The following NME8 variants were observed in gnomAD, a reference collection of about 807,000 sequenced individuals.
NME8 encodes protein NME8.
In NME8, 72 loss-of-function variants were observed where a neutral mutation model predicts 82.3. The ratio of observed to expected loss-of-function variants is 0.87; its 90% CI spans 0.72 to 1.06. NME8 has a LOEUF of 1.06. Ranked by LOEUF, NME8 falls within the 50% of genes least tolerant of loss-of-function variation. The pLI is 0.00. For missense variants in NME8, 712 were observed against 685.4 expected (o/e 1.04, Z -0.43); for synonymous variants, 267 against 228.5 (o/e 1.17, Z -1.52).
At chr7:37,882,577 AAGAAAGAAAGAAAGAAAGAAAG>A in intron 12 of NME8, among the ~76,000 whole-genome samples, 2 of 46,414 alleles carry the variant, frequency 4.3e-5, no homozygotes, top group Admixed American at 2.2e-4. Flanking sequence ...GAAAGAAAGA[AAGAAAGAAAGAAAGAAAGAAAG>A]AGAGAGAGAG....
chr7:37,862,542 A>G (rs1371158906), intron 7 of NME8, among the ~76,000 whole-genome samples: 3 of 152,038 alleles, frequency 2.0e-5, no homozygotes, highest in African/African-American at 7.2e-5. Flanking sequence ...AGTATATAGC[A>G]ATTATTTATT....
intron 14 of NME8, 150 bp from the exon 15 acceptor site, chr7:37,888,127 C>G: frequency 2.7e-6 from 2 of 739,404 alleles, no homozygotes; most frequent in South Asian, 3.1e-5. Context: ...GTAGCATGCC[C>G]TAAGCCGCCA....
chr7:37,862,371 G>A (rs1431673116), intron 7 of NME8, among the ~76,000 whole-genome samples: 1 of 152,038 alleles, frequency 6.6e-6, no homozygotes, highest in African/African-American at 2.4e-5. Flanking sequence ...AAGCATTTTG[G>A]CAATGCATGT....
intron 14 of NME8, among the ~76,000 whole-genome samples, chr7:37,887,281 C>G (rs546395896): frequency 2.0e-5 from 3 of 152,288 alleles, no homozygotes; most frequent in African/African-American, 7.2e-5. Context: ...GCTGTCCTGT[C>G]TACTTCTCTT....
intron 12 of NME8, among the ~76,000 whole-genome samples, chr7:37,882,302 C>T (rs565086290): frequency 4.0e-5 from 6 of 151,884 alleles, no homozygotes; most frequent in South Asian, 2.1e-4. Flanking sequence ...GCTTGCACAA[C>T]GTGGTGAAAC....
chr7:37,864,020 A>C (rs1288322732), intron 8 of NME8, among the ~76,000 whole-genome samples: 1 of 152,214 alleles, frequency 6.6e-6, no homozygotes, highest in Non-Finnish European at 1.5e-5. Context: ...AACTTCACTT[A>C]CTGGTAGTAC....
intron 12 of NME8, among the ~76,000 whole-genome samples, chr7:37,877,273 C>T (rs1478672226): frequency 1.3e-5 from 2 of 152,074 alleles, no homozygotes; most frequent in Non-Finnish European, 2.9e-5. Context: ...AGATTTAAAG[C>T]TTCTATGTCT....
At chr7:37,872,716 A>G (rs1784786443) in intron 11 of NME8, among the ~76,000 whole-genome samples, 1 of 151,552 alleles carries the variant, frequency 6.6e-6, no homozygotes, top group Non-Finnish European at 1.5e-5. Flanking sequence ...TCTGGATAAT[A>G]TGCTGAGGGG....
Position 37,888,386 on chromosome 7 carries a change from A to C in NME8, c.1357A>C (p.Thr453Pro). The change falls in exon 15 of 18, where the codon ACT (threonine) becomes CCT (proline). Residue 453 changes from threonine to proline, a missense_variant. Thr to Pro is a conservative substitution (Grantham distance 38). Coordinates refer to ENST00000199447, the MANE Select transcript of NME8 (RefSeq NM_016616.5). ...ACAGCATTTCTTTCCTCTTCAAAGCACTTTAGGCTTGATTAAACCTCATGC... is the reference window on the plus strand; with the variant it reads ...ACAGCATTTCTTTCCTCTTCAAAGCCCTTTAGGCTTGATTAAACCTCATGC... Reference protein sequence around the residue: ...EIQHFFPLQSTLGLIKPHATS... With the variant: ...EIQHFFPLQSPLGLIKPHATS... 1 of 1,613,418 alleles carries C rather than the reference A, an allele frequency of 6.2e-7. No individual in the cohort carries two copies.
chr7:37,885,882 ATTC>A (rs1785032634), intron 14 of NME8, among the ~76,000 whole-genome samples: 1 of 152,150 alleles, frequency 6.6e-6, no homozygotes, highest in Non-Finnish European at 1.5e-5. Context: ...ATTCCCTTGA[ATTC>A]TTCTTGCTGA....
chr7:37,860,584 G>A (rs536053022), intron 6 of NME8, among the ~76,000 whole-genome samples: 70 of 152,132 alleles, frequency 4.6e-4, no homozygotes, highest in African/African-American at 1.7e-3. Context: ...TTTATTCCAC[G>A]ATTAAATATT....
At chr7:37,861,019 C>T (rs547588050) in intron 6 of NME8, among the ~76,000 whole-genome samples, 8 of 152,156 alleles carry the variant, frequency 5.3e-5, no homozygotes, top group African/African-American at 9.7e-5. Context: ...TCTCCACCAC[C>T]GTCATCTCTC....
intron 6 of NME8, among the ~76,000 whole-genome samples, chr7:37,858,173 G>A (rs1009157510): frequency 2.6e-5 from 4 of 152,184 alleles, no homozygotes; most frequent in Non-Finnish European, 2.9e-5. Flanking sequence ...TACAGAGTTC[G>A]AGAACTGAGA....
At position 37,850,707 on chromosome 7, in the gene NME8, A is replaced by G; in HGVS notation, c.170A>G (p.Asn57Ser). 1 of 1,613,530 alleles carries G rather than the reference A, an allele frequency of 6.2e-7. No individual in the cohort carries two copies. Among genetic ancestry groups the G allele is most frequent in the South Asian group, 1.1e-5 (1 of 91,074 alleles). The change falls in exon 5 of 18, where the codon AAC (asparagine) becomes AGC (serine). Residue 57 changes from asparagine (N) to serine (S), a missense_variant. Physicochemically the swap from Asn to Ser is conservative, Grantham distance 46. Coordinates refer to ENST00000199447, the MANE Select transcript of NME8 (RefSeq NM_016616.5). ...TTCAGAAAATTGAAAAATGAACTGA[A>G]CGAAGACGAAATTCTGCATTTTGCT... ...PLFRKLKNEL[N>S]EDEILHFAVA... is the part of the protein sequence containing the mutation.
intron 11 of NME8, among the ~76,000 whole-genome samples, chr7:37,876,115 G>C (rs1345635537): frequency 1.3e-5 from 2 of 151,882 alleles, no homozygotes; most frequent in East Asian, 3.9e-4. Context: ...AGGCGAGGCA[G>C]GGGAATAGCT....
At position 37,867,804 on chromosome 7, in the gene NME8, C is replaced by G; in HGVS notation, c.724C>G (p.Pro242Ala). 6.2e-7 allele frequency: 1 copy of G among 1,613,892 alleles called. No homozygotes were observed. Among genetic ancestry groups the G allele is most frequent in the East Asian group, 2.2e-5 (1 of 44,852 alleles). Residue 242 changes from proline to alanine, a missense_variant, in exon 11 of 18, where the codon CCA becomes GCA. Coordinates refer to ENST00000199447, the MANE Select transcript of NME8 (RefSeq NM_016616.5). ...CAATCCTCCCTCTGAAGAAACCGAA[C>G]CACAGACTGACACCGAACCTAACGA... ...KHNPPSEETE[P>A]QTDTEPNERS...
At position 37,896,955 on chromosome 7, in the gene NME8, G is replaced by C; in HGVS notation, c.1630G>C (p.Ala544Pro). ...RLMGPTDPEE[A>P]KLLSPDSIRA... ...GATGGGCCCAACAGACCCAGAAGAA[G>C]CAAAATTACTTTCCCCTGACTCCAT... Residue 544 changes from alanine to proline, a missense_variant, in exon 17 of 18, where the codon GCA (alanine) becomes CCA (proline). Transcript: ENST00000199447. The C allele has an allele frequency of 6.2e-7, 1 of 1,613,828 alleles. No individual in the cohort carries two copies. The highest frequency in any genetic ancestry group is 8.5e-7 in the Non-Finnish European group (1 of 1,179,862).
chr7:37,858,229 T>C (rs915355121), intron 6 of NME8, among the ~76,000 whole-genome samples: 1 of 152,210 alleles, frequency 6.6e-6, no homozygotes, highest in African/African-American at 2.4e-5. Flanking sequence ...GGACTTGGAC[T>C]GTTCCTCCAC....
chr7:37,878,813 A>G (rs1445033382), intron 12 of NME8, among the ~76,000 whole-genome samples: 1 of 152,196 alleles, frequency 6.6e-6, no homozygotes, highest in Non-Finnish European at 1.5e-5. Flanking sequence ...TTCTCCTATC[A>G]ACATCATGTA....
Sources: gnomAD v4.1 joint callset for allele counts (sites outside exome capture counted in the v4.1 genomes callset) on GRCh38, gnomAD v4.1.1 for gene constraint, MANE v1.5 for transcripts, NCBI Gene and HGNC (gene_info 2026-07-23, HGNC 2026-07-21) for gene names.